ADGRB3: variants seen among roughly 807,000 people sequenced by gnomAD.
ADGRB3 encodes the protein adhesion G protein-coupled receptor B3.
In ADGRB3, 37 loss-of-function variants were observed where a neutral mutation model predicts 193.4. The observed-to-expected ratio is 0.19, with a 90% CI of 0.15 to 0.25. The LOEUF (loss-of-function observed/expected upper bound fraction) is 0.25. ADGRB3 is among the 10% of genes least tolerant of loss of function. ADGRB3 has a pLI of 1.00. For missense variants in ADGRB3, 1,637 were observed against 1,852.9 expected (o/e 0.88, Z 2.14); for synonymous variants, 690 against 644.2 (o/e 1.07, Z -1.08).
intron 4 of ADGRB3, among the ~76,000 whole-genome samples, chr6:68,930,883 A>T (rs889149127): frequency 2.0e-5 from 3 of 152,010 alleles, no homozygotes; most frequent in Non-Finnish European, 4.4e-5. Flanking sequence ...TCAGTATGGG[A>T]CATTTAGGAT....
chr6:68,846,307 A>T (rs1451954311), intron 3 of ADGRB3, among the ~76,000 whole-genome samples: 2 of 152,226 alleles, frequency 1.3e-5, no homozygotes, highest in Admixed American at 1.3e-4. Flanking sequence ...ATAAAAAATA[A>T]AAGCCCATTT....
At chr6:69,026,986 T>C (rs1182778593) in intron 13 of ADGRB3, among the ~76,000 whole-genome samples, 2 of 152,184 alleles carry the variant, frequency 1.3e-5, no homozygotes, top group Non-Finnish European at 2.9e-5. Context: ...TTATAAACAC[T>C]GTACTCATAA....
At chr6:68,950,962 G>A (rs62418273) in intron 6 of ADGRB3, among the ~76,000 whole-genome samples, 14,424 of 152,000 alleles carry the variant, frequency 0.095, 896 homozygotes, top group Non-Finnish European at 0.14. Context: ...TGGTCGCATG[G>A]CCTATAGGGC....
At chr6:69,154,969 C>T (rs879314657) in intron 17 of ADGRB3, among the ~76,000 whole-genome samples, 1 of 152,182 alleles carries the variant, frequency 6.6e-6, no homozygotes, top group Non-Finnish European at 1.5e-5. Flanking sequence ...TTTAAAATTG[C>T]TCTGGCTTTG....
rs535498387 is a variant in ADGRB3 at position 68,683,642 on chromosome 6, G to C, written c.757+44210G>C. ...GGCCACTGGAATCAAGATGAATTTT[G>C]TGGCCTATGAGCTGAGATTGCGTCA... is the stretch of plus-strand genomic sequence containing the variant. On this transcript the variant is annotated intron_variant, in intron 3 of 31. Transcript: ENST00000370598. 2.6e-5 allele frequency among the ~76,000 whole-genome samples: 4 copies of C among 152,268 alleles called. No individual in the cohort carries two copies. In the East Asian group the frequency reaches 7.7e-4, roughly 29 times the overall value.
chr6:68,892,824 C>T (rs1002626260), intron 3 of ADGRB3, among the ~76,000 whole-genome samples: 1 of 152,004 alleles, frequency 6.6e-6, no homozygotes, highest in Non-Finnish European at 1.5e-5. Context: ...TTTATTAAGA[C>T]AGAAGAAACT....
At chr6:69,237,869 T>C (rs1311120780) in intron 19 of ADGRB3, among the ~76,000 whole-genome samples, 1 of 152,080 alleles carries the variant, frequency 6.6e-6, no homozygotes, top group Non-Finnish European at 1.5e-5. Context: ...TATTATATTG[T>C]TTGCCACTGA....
chr6:68,778,318 C>A (rs1015705620), intron 3 of ADGRB3, among the ~76,000 whole-genome samples: 22 of 152,186 alleles, frequency 1.4e-4, no homozygotes, highest in Non-Finnish European at 2.4e-4. Flanking sequence ...AAAACTAGAT[C>A]TTTAAAATCT....
intron 20 of ADGRB3, among the ~76,000 whole-genome samples, chr6:69,303,637 A>G (rs1233576671): frequency 6.6e-6 from 1 of 151,838 alleles, no homozygotes; most frequent in African/African-American, 2.4e-5. Flanking sequence ...CACATCATCC[A>G]GTCCCTTTAG....
At chr6:68,910,954 T>C (rs1271204285) in intron 3 of ADGRB3, among the ~76,000 whole-genome samples, 1 of 152,170 alleles carries the variant, frequency 6.6e-6, no homozygotes, top group Non-Finnish European at 1.5e-5. Flanking sequence ...AAGTCATTCA[T>C]AGCTTGATGG....
chr6:69,130,655 C>T (rs1387084502), intron 17 of ADGRB3, among the ~76,000 whole-genome samples: 1 of 151,350 alleles, frequency 6.6e-6, no homozygotes, highest in Non-Finnish European at 1.5e-5. Context: ...TTTTTAACTA[C>T]ACTGGTTTTA....
intron 20 of ADGRB3, among the ~76,000 whole-genome samples, chr6:69,318,804 C>T (rs1163193739): frequency 1.3e-5 from 2 of 150,400 alleles, no homozygotes; most frequent in Non-Finnish European, 1.5e-5. Context: ...ACTAGAAAAA[C>T]GTCCATTTTA....
In ADGRB3 at chr6:69,281,495, T is replaced by C. The variant is rs1313672392; in HGVS notation, c.2814+42269T>C. On this transcript the variant is annotated intron_variant, in intron 20 of 31. Transcript: ENST00000370598. ...AACCCAACATAGCAGAGATGAGCCA[T>C]ATTACAGAGCAGTTGCCCCTCTTTC... is the stretch of plus-strand genomic sequence containing the variant. Among the ~76,000 whole-genome samples the C allele has an allele frequency of 5.9e-5, 9 of 152,200 alleles. 1 individual carries two copies. The East Asian group carries it at 9.6e-4, about 16-fold the overall frequency.
At chr6:68,700,857 A>C (rs1224110303) in intron 3 of ADGRB3, among the ~76,000 whole-genome samples, 1 of 150,782 alleles carries the variant, frequency 6.6e-6, no homozygotes, top group Non-Finnish European at 1.5e-5. Flanking sequence ...GCATTAGGAG[A>C]TATACCTAAT....
At chr6:68,746,368 A>T (rs1392408831) in intron 3 of ADGRB3, among the ~76,000 whole-genome samples, 1 of 151,842 alleles carries the variant, frequency 6.6e-6, no homozygotes, top group Admixed American at 6.6e-5. Context: ...TTTTTAAGTT[A>T]TTATTTTCTT....
At chr6:68,873,995 G>T (rs555031627) in intron 3 of ADGRB3, among the ~76,000 whole-genome samples, 7 of 152,144 alleles carry the variant, frequency 4.6e-5, no homozygotes, top group South Asian at 2.1e-4. Context: ...TTGTTAAATA[G>T]TATAATTATA....
At chr6:68,827,176 A>G (rs562621735) in intron 3 of ADGRB3, among the ~76,000 whole-genome samples, 10 of 152,162 alleles carry the variant, frequency 6.6e-5, no homozygotes, top group South Asian at 2.1e-4. Context: ...GCAGATTGAT[A>G]TTGAACAGCC....
chr6:68,859,392 A>G (rs1765084686), intron 3 of ADGRB3, among the ~76,000 whole-genome samples: 1 of 152,034 alleles, frequency 6.6e-6, no homozygotes. Flanking sequence ...TCTCATCCAC[A>G]TTTTTGGGTA....
At chr6:69,343,937 A>G (rs1044987202) in intron 26 of ADGRB3, among the ~76,000 whole-genome samples, 2 of 152,198 alleles carry the variant, frequency 1.3e-5, no homozygotes, top group African/African-American at 4.8e-5. Flanking sequence ...ACTATTTACT[A>G]TTCCCCGCAT....
Sources: gnomAD v4.1 joint callset for allele counts (sites outside exome capture counted in the v4.1 genomes callset) on GRCh38, gnomAD v4.1.1 for gene constraint, MANE v1.5 for transcripts, NCBI Gene and HGNC (gene_info 2026-07-23, HGNC 2026-07-21) for gene names.